Variants in CNOT1 observed in about 807,000 individuals in gnomAD.
CNOT1 encodes the protein CCR4-associated factor 1.
Under a neutral mutation model 273.8 loss-of-function variants are expected in CNOT1, and 15 were observed. The ratio of observed to expected loss-of-function variants is 0.05; its 90% CI spans 0.04 to 0.08. The LOEUF is 0.08. Among genes scored for constraint, CNOT1 ranks in the 10% least tolerant of loss-of-function variants. The pLI is 1.00. For synonymous variants in CNOT1, 1,022 were observed against 1,005.5 expected (o/e 1.02, Z -0.31); for missense variants, 1,644 against 2,912.2 (o/e 0.56, Z 10.02).
At chr16:58,557,504 A>T (rs1181813608) in intron 18 of CNOT1, among the ~76,000 whole-genome samples, 1 of 152,224 alleles carries the variant, frequency 6.6e-6, no homozygotes, top group Non-Finnish European at 1.5e-5. Context: ...AGCATACAGT[A>T]GCAACGCTAA....
chr16:58,602,936 T>C (rs2042527199), intron 1 of CNOT1, among the ~76,000 whole-genome samples: 1 of 152,094 alleles, frequency 6.6e-6, no homozygotes, highest in African/African-American at 2.4e-5. Context: ...TGTCACACCC[T>C]GCAAAGCACT....
At chr16:58,526,365 T>C (rs530751394) in intron 44 of CNOT1, among the ~76,000 whole-genome samples, 7 of 152,104 alleles carry the variant, frequency 4.6e-5, no homozygotes, top group South Asian at 2.1e-4. Context: ...AGAGGCAAGA[T>C]ACCTTTTGGG....
At chr16:58,623,499 T>C (rs185996611) in intron 1 of CNOT1, 1 of 152,260 alleles carries the variant, frequency 6.6e-6, no homozygotes, top group African/African-American at 2.4e-5. Flanking sequence ...AGGGTTAAGG[T>C]GACCACCAAA....
chr16:58,612,606 G>T (rs1468655842), intron 1 of CNOT1, among the ~76,000 whole-genome samples: 2 of 152,098 alleles, frequency 1.3e-5, no homozygotes, highest in Non-Finnish European at 2.9e-5. Context: ...AGGCATGGTG[G>T]CATGCACCTG....
chr16:58,527,560 T>C (rs541808324), intron 44 of CNOT1, among the ~76,000 whole-genome samples: 1 of 151,806 alleles, frequency 6.6e-6, no homozygotes, highest in Admixed American at 6.6e-5. Context: ...TAAATAATAA[T>C]ACAACAATAA....
chr16:58,571,849 G>C (rs969636829), intron 16 of CNOT1, among the ~76,000 whole-genome samples: 1 of 151,998 alleles, frequency 6.6e-6, no homozygotes, highest in Non-Finnish European at 1.5e-5. Flanking sequence ...GTGATGGTGA[G>C]CACCTGTAAT....
chr16:58,524,797 T>A (rs1023090789), intron 46 of CNOT1, among the ~76,000 whole-genome samples: 3 of 152,184 alleles, frequency 2.0e-5, no homozygotes, highest in African/African-American at 7.2e-5. Flanking sequence ...CATTAATCTT[T>A]ATACATGAAC....
chr16:58,588,116 T>C (rs915375222), intron 3 of CNOT1, among the ~76,000 whole-genome samples: 3 of 152,222 alleles, frequency 2.0e-5, no homozygotes, highest in Non-Finnish European at 4.4e-5. Flanking sequence ...CTGGCCAACA[T>C]GGTAAAACCC....
At chr16:58,600,031 C>A (rs1403159291) in intron 1 of CNOT1, among the ~76,000 whole-genome samples, 3 of 151,706 alleles carry the variant, frequency 2.0e-5, no homozygotes, top group Non-Finnish European at 4.4e-5. Context: ...CCATTGCACT[C>A]CAGCTCTGGG....
intron 13 of CNOT1, among the ~76,000 whole-genome samples, chr16:58,577,999 A>G (rs539195310): frequency 3.9e-5 from 6 of 152,348 alleles, no homozygotes; most frequent in African/African-American, 1.4e-4. Context: ...TTGGATTTAG[A>G]TAAATTAGAA....
At chr16:58,526,568 A>C (rs1597395492) in intron 44 of CNOT1, among the ~76,000 whole-genome samples, 1 of 151,230 alleles carries the variant, frequency 6.6e-6, no homozygotes, top group African/African-American at 2.4e-5. Context: ...TCACGCCTGT[A>C]AACCCAGCAC....
chr16:58,603,407 AAGTGTGTGTGTGTGTGTGTGTG>A (rs1212322668), intron 1 of CNOT1, among the ~76,000 whole-genome samples: 50 of 126,376 alleles, frequency 4.0e-4, no homozygotes, highest in Non-Finnish European at 6.2e-4. Context: ...TACAATTTAA[AAGTGTGTGTGTGTGTGTGTGTG>A]TGTGTGTGTG....
At chr16:58,552,338 C>T (rs933104188) in intron 22 of CNOT1, among the ~76,000 whole-genome samples, 1 of 151,992 alleles carries the variant, frequency 6.6e-6, no homozygotes, top group African/African-American at 2.4e-5. Context: ...CTAAACCTAC[C>T]AATTATGTAT....
intron 28 of CNOT1, 44 bp from the exon 29 acceptor site, chr16:58,546,542 T>A: frequency 6.2e-7 from 1 of 1,600,718 alleles, no homozygotes. Flanking sequence ...AAAGAAAACT[T>A]TAGTTTTACT....
intron 16 of CNOT1, among the ~76,000 whole-genome samples, chr16:58,566,484 A>T (rs1310981484): frequency 6.6e-6 from 1 of 152,244 alleles, no homozygotes; most frequent in African/African-American, 2.4e-5. Flanking sequence ...TTTAACAGGC[A>T]ATTAACTTTC....
chr16:58,586,504 C>T, intron 7 of CNOT1, 41 bp downstream of exon 7: 2 of 1,588,178 alleles, frequency 1.3e-6, no homozygotes, highest in Non-Finnish European at 1.7e-6. Context: ...CTGTGGTCAT[C>T]CAAGAAAACC....
chr16:58,542,678 T>G, intron 31 of CNOT1, 110 bp from the exon 32 acceptor site: 1 of 1,453,450 alleles, frequency 6.9e-7, no homozygotes, highest in South Asian at 1.4e-5. Flanking sequence ...CAAATGCATT[T>G]TAAGTTCTGA....
At chr16:58,549,956 G>A in intron 24 of CNOT1, 58 bp from the exon 25 acceptor site, 3 of 1,605,228 alleles carry the variant, frequency 1.9e-6, no homozygotes, top group Non-Finnish European at 2.5e-6. Flanking sequence ...AATAACACTT[G>A]GTTTCTATGA....
intron 39 of CNOT1, 92 bp downstream of exon 39, chr16:58,536,897 G>T: frequency 6.6e-7 from 1 of 1,518,086 alleles, no homozygotes; most frequent in South Asian, 1.3e-5. Flanking sequence ...GTAACTGTCT[G>T]ACCACATGTA....
Sources: gnomAD v4.1 joint callset for allele counts (sites outside exome capture counted in the v4.1 genomes callset) on GRCh38, gnomAD v4.1.1 for gene constraint, MANE v1.5 for transcripts, NCBI Gene and HGNC (gene_info 2026-07-23, HGNC 2026-07-21) for gene names.